TOP6BL: variants seen among roughly 807,000 people sequenced by gnomAD.
TOP6BL encodes the protein type 2 DNA topoisomerase 6 subunit B-like.
chr11:66,772,590 G>A, the TOP6BL span, among the ~76,000 whole-genome samples: 4 of 152,232 alleles, frequency 2.6e-5, no homozygotes, highest in East Asian at 1.9e-4. Flanking sequence ...CCAACATGGC[G>A]AAACCCCGTC....
chr11:66,780,140 C>T, the TOP6BL span, among the ~76,000 whole-genome samples: 1,354 of 151,724 alleles, frequency 8.9e-3, 6 homozygotes, highest in Non-Finnish European at 0.014. Context: ...GCACATGTAC[C>T]CTAAAACTTT....
chr11:66,843,448 A>G, the TOP6BL span: 4 of 1,399,834 alleles, frequency 2.9e-6, no homozygotes, highest in African/African-American at 3.1e-5. Context: ...GCCGCGGGTC[A>G]GGGCGCAATG....
the TOP6BL span, among the ~76,000 whole-genome samples, chr11:66,770,567 G>C: frequency 5.9e-5 from 9 of 152,144 alleles, no homozygotes; most frequent in Non-Finnish European, 1.3e-4. Context: ...AGCTAGGCGT[G>C]GTGGCCGGTG....
the TOP6BL span, among the ~76,000 whole-genome samples, chr11:66,762,698 T>G: frequency 6.6e-6 from 1 of 152,212 alleles, no homozygotes; most frequent in Admixed American, 6.5e-5. Flanking sequence ...CTCGAACTCC[T>G]GATCTCGTGA....
At chr11:66,793,283 G>A in the TOP6BL span, among the ~76,000 whole-genome samples, 1 of 151,506 alleles carries the variant, frequency 6.6e-6, no homozygotes, top group Admixed American at 6.6e-5. Context: ...AGTAGAGATG[G>A]GGTTTCACCA....
the TOP6BL span, among the ~76,000 whole-genome samples, chr11:66,781,332 T>C: frequency 1.3e-5 from 2 of 152,210 alleles, no homozygotes; most frequent in African/African-American, 4.8e-5. Context: ...TCTAATCTGC[T>C]ATTAAACCTA....
the TOP6BL span, chr11:66,838,475 G>C: frequency 6.3e-7 from 1 of 1,589,698 alleles, no homozygotes; most frequent in Middle Eastern, 1.7e-4. Context: ...AGTGAGCCCT[G>C]GACTGCAGCA....
At chr11:66,827,372 A>G in the TOP6BL span, among the ~76,000 whole-genome samples, 4 of 152,002 alleles carry the variant, frequency 2.6e-5, no homozygotes, top group Admixed American at 6.6e-5. Context: ...TTGAATTTCA[A>G]TTTTCTCATC....
At chr11:66,778,580 A>T in the TOP6BL span, among the ~76,000 whole-genome samples, 2 of 152,200 alleles carry the variant, frequency 1.3e-5, no homozygotes, top group Non-Finnish European at 1.5e-5. Context: ...AAGCTACAGT[A>T]GTTAGCCCAA....
the TOP6BL span, among the ~76,000 whole-genome samples, chr11:66,806,214 G>A: frequency 6.6e-6 from 1 of 152,186 alleles, no homozygotes; most frequent in South Asian, 2.1e-4. Flanking sequence ...AATTAGCTGT[G>A]TGACTGTAGG....
At chr11:66,763,611 A>G in the TOP6BL span, among the ~76,000 whole-genome samples, 1 of 151,626 alleles carries the variant, frequency 6.6e-6, no homozygotes, top group African/African-American at 2.4e-5. Context: ...CACCTGTCCT[A>G]TTATTATTTT....
chr11:66,754,136 T>TC, the TOP6BL span, among the ~76,000 whole-genome samples: 1 of 152,332 alleles, frequency 6.6e-6, no homozygotes, highest in African/African-American at 2.4e-5. Flanking sequence ...TGCTGTGGTC[T>TC]CCATTGTCAC....
the TOP6BL span, among the ~76,000 whole-genome samples, chr11:66,755,639 G>A: frequency 2.0e-5 from 3 of 152,148 alleles, no homozygotes; most frequent in African/African-American, 7.2e-5. Context: ...CTGTAACAAA[G>A]TACCACAAAC....
At chr11:66,841,306 CG>C in the TOP6BL span, among the ~76,000 whole-genome samples, 181 of 151,900 alleles carry the variant, frequency 1.2e-3, 1 homozygote, top group South Asian at 2.9e-3. Context: ...TTAGTAGAGA[CG>C]GGGTTTCACC....
chr11:66,769,988 G>C, the TOP6BL span, among the ~76,000 whole-genome samples: 1 of 151,716 alleles, frequency 6.6e-6, no homozygotes, highest in Non-Finnish European at 1.5e-5. Context: ...CTTGTGATCC[G>C]CCTGCCTCGG....
At chr11:66,785,709 G>A in the TOP6BL span, among the ~76,000 whole-genome samples, 6 of 152,122 alleles carry the variant, frequency 3.9e-5, no homozygotes, top group Non-Finnish European at 2.9e-5. Context: ...TCTCATATCA[G>A]TGAGGCTGCT....
At chr11:66,757,308 A>T in the TOP6BL span, among the ~76,000 whole-genome samples, 2 of 152,020 alleles carry the variant, frequency 1.3e-5, no homozygotes, top group Non-Finnish European at 2.9e-5. Context: ...GTGCCACTTC[A>T]CTCCAGCCTG....
the TOP6BL span, chr11:66,843,506 G>A: frequency 6.7e-7 from 1 of 1,490,854 alleles, no homozygotes. Context: ...TGTCGCGGCC[G>A]GAGCGGCCGC....
At chr11:66,796,351 T>C in the TOP6BL span, 1 of 1,608,392 alleles carries the variant, frequency 6.2e-7, no homozygotes, top group Non-Finnish European at 8.5e-7. Context: ...AAAATCATCA[T>C]GGTGCACCCT....
Sources: gnomAD v4.1 joint callset for allele counts (sites outside exome capture counted in the v4.1 genomes callset) on GRCh38, gnomAD v4.1.1 for gene constraint, MANE v1.5 for transcripts, NCBI Gene and HGNC (gene_info 2026-07-23, HGNC 2026-07-21) for gene names.